TNFSF10: variants seen among roughly 807,000 people sequenced by gnomAD.
TNFSF10 encodes the protein tumor necrosis factor ligand superfamily member 10.
A neutral mutation model predicts 29.5 loss-of-function variants in TNFSF10; 13 were observed. The observed-to-expected ratio is 0.44, with a 90% CI of 0.29 to 0.70. The LOEUF (loss-of-function observed/expected upper bound fraction) is 0.70, where lower values mean the gene tolerates loss of function less well. Among genes scored for constraint, TNFSF10 ranks in the 30% least tolerant of loss-of-function variants. The pLI is 0.13. For missense variants in TNFSF10, 345 were observed against 330.9 expected, an observed-to-expected ratio of 1.04 and a Z score of -0.33; for synonymous variants, 111 against 112.8, an observed-to-expected ratio of 0.98 and a Z score of 0.10.
rs13076985 is a variant in TNFSF10 at position 172,507,948 on chromosome 3, T to C, written c.419-1029A>G. On this transcript the variant is annotated intron_variant, in intron 4 of 4. Coordinates refer to ENST00000241261, the MANE Select transcript of TNFSF10 (RefSeq NM_003810.4). ...GGTTAAGATTTGTCTCATCTTTGCATATGAAGAAACTGAAGCTTGACTAGG... is the reference window on the plus strand; with the variant it reads ...GGTTAAGATTTGTCTCATCTTTGCACATGAAGAAACTGAAGCTTGACTAGG... 8.1e-3 allele frequency among the ~76,000 whole-genome samples: 1,234 copies of C among 152,330 alleles called. 33 individuals are homozygous for C. Among genetic ancestry groups the C allele is most frequent in the Admixed American group, 0.046 (698 of 15,300 alleles).
At chr3:172,517,241 G>A (rs1308008381) in intron 1 of TNFSF10, 5 of 736,698 alleles carry the variant, frequency 6.8e-6, no homozygotes, top group Non-Finnish European at 8.3e-6. Flanking sequence ...TGACAAGGAT[G>A]GTCGTGGTGG....
At chr3:172,508,803 T>C (rs534174563) in intron 4 of TNFSF10, among the ~76,000 whole-genome samples, 2 of 151,696 alleles carry the variant, frequency 1.3e-5, no homozygotes, top group Admixed American at 1.3e-4. Flanking sequence ...GCAGGAGAAT[T>C]GCTTGAACAC....
chr3:172,506,375 T>C lies in TNFSF10; in HGVS notation c.*117A>G. The C allele has an allele frequency of 7.6e-7, 1 of 1,324,390 alleles. No individual in the cohort carries two copies. Among genetic ancestry groups the C allele is most frequent in the South Asian group, 1.6e-5 (1 of 63,682 alleles). The allele number at this position is 1,324,390 out of a possible 1,614,324, so 82.0% of individuals were successfully genotyped here. ...CTACTCAGATTGCATAGAGGTTTTT[T>C]TGTTTTCTGTTTTCTGTTTGTTTGT... On this transcript the variant is annotated 3_prime_UTR_variant, in exon 5 of 5. Transcript: ENST00000241261.
At chr3:172,513,576 G>A (rs1400875177) in intron 2 of TNFSF10, among the ~76,000 whole-genome samples, 1 of 152,192 alleles carries the variant, frequency 6.6e-6, no homozygotes, top group Non-Finnish European at 1.5e-5. Context: ...TCTCACATGT[G>A]TCAGGGCTCT....
Position 172,518,336 on chromosome 3 carries a change from GGC to G in TNFSF10, c.133-3340_133-3339del, listed in dbSNP as rs1713527754. On this transcript the variant is annotated intron_variant, in intron 1 of 4. Transcript: ENST00000241261. ...CTGTTACAAACACGGTGGTTGTCTAGGCCAGGGTCAACCAGTCCTTGATGGGG... is the reference window on the plus strand; with the variant it reads ...CTGTTACAAACACGGTGGTTGTCTAGCAGGGTCAACCAGTCCTTGATGGGG... The G allele has an allele frequency of 2.4e-6, 3 of 1,264,884 alleles. No individual in the cohort carries two copies. The African/African-American group carries it at 4.6e-5, about 19-fold the overall frequency. 78.4% of individuals were successfully genotyped at this position (1,264,884 alleles called of 1,614,324 possible). A position where few individuals can be genotyped will look rare whatever the true frequency, so the allele number is the denominator to read the frequency against.
At chr3:172,512,881 A>G (rs1014992361) in intron 2 of TNFSF10, among the ~76,000 whole-genome samples, 1 of 152,228 alleles carries the variant, frequency 6.6e-6, no homozygotes, top group Admixed American at 6.5e-5. Flanking sequence ...TGTTCAAGTT[A>G]TTTAACTGAT....
rs1478496681 is a variant in TNFSF10, at chr3:172,513,318, G to A, written c.270+1543C>T. 4.6e-5 allele frequency among the ~76,000 whole-genome samples: 7 copies of A among 152,238 alleles called. No homozygotes were observed. In the East Asian group the frequency reaches 7.7e-4, roughly 17 times the overall value. Reference sequence around the variant, plus strand: ...TCCACCCTCCCCAAGCCCCTATCCCGGGAACTTGGGAGTTTCATTTCTCAG... The same window carrying A: ...TCCACCCTCCCCAAGCCCCTATCCCAGGAACTTGGGAGTTTCATTTCTCAG... On this transcript the variant is annotated intron_variant, in intron 2 of 4. Transcript: ENST00000241261.
intron 3 of TNFSF10, among the ~76,000 whole-genome samples, chr3:172,509,976 C>CAAAAAAAAAAAAAAAAAAAAAAAA (rs11290814): frequency 9.8e-6 from 1 of 101,914 alleles, no homozygotes. Flanking sequence ...AAGACTCCGT[C>CAAAAAAAAAAAAAAAAAAAAAAAA]AAAAAAAAAA....
chr3:172,521,053 C>G (rs1195213611), intron 1 of TNFSF10, among the ~76,000 whole-genome samples: 4 of 152,130 alleles, frequency 2.6e-5, no homozygotes, highest in Admixed American at 1.3e-4. Flanking sequence ...AAAATTAACT[C>G]AAGATGGATT....
chr3:172,508,905 G>T (rs906340440), intron 4 of TNFSF10, among the ~76,000 whole-genome samples: 3 of 150,504 alleles, frequency 2.0e-5, no homozygotes, highest in Non-Finnish European at 4.4e-5. Context: ...AAAAAGGAAA[G>T]AAAGAAAGAA....
chr3:172,508,527 A>G (rs895209181), intron 4 of TNFSF10, among the ~76,000 whole-genome samples: 1 of 152,132 alleles, frequency 6.6e-6, no homozygotes, highest in African/African-American at 2.4e-5. Flanking sequence ...ATGATTTAGA[A>G]CCTTTAAAGA....
At chr3:172,517,385 AT>A in intron 1 of TNFSF10, 1 of 985,352 alleles carries the variant, frequency 1.0e-6, no homozygotes, top group Non-Finnish European at 1.2e-6. Context: ...GGTCCTGGGT[AT>A]AAGTGGATGG....
intron 1 of TNFSF10, among the ~76,000 whole-genome samples, chr3:172,515,690 A>G (rs1232413297): frequency 6.6e-6 from 1 of 152,158 alleles, no homozygotes; most frequent in African/African-American, 2.4e-5. Context: ...GAAAGTAAAC[A>G]ATGGCAATAG....
chr3:172,522,453 A>G lies in TNFSF10; in HGVS notation c.132+800T>C, dbSNP rs976013998. 3 of 1,447,796 alleles carry G rather than the reference A, an allele frequency of 2.1e-6. No individual in the cohort carries two copies. The Middle Eastern group carries it at 7.5e-4, about 364-fold the overall frequency. The allele number at this position is 1,447,796 out of a possible 1,614,324, so 89.7% of individuals were successfully genotyped here. ...AAGCAGGAAAGAAATTTTATCATTC[A>G]CCACTTAATTGGTTAGAATCTCTTA... On this transcript the variant is annotated intron_variant, in intron 1 of 4. Coordinates refer to ENST00000241261, the MANE Select transcript of TNFSF10 (RefSeq NM_003810.4).
At chr3:172,518,536 C>A in intron 1 of TNFSF10, 1 of 1,168,282 alleles carries the variant, frequency 8.6e-7, no homozygotes, top group Non-Finnish European at 1.1e-6. Flanking sequence ...TCCTCCCCAT[C>A]TATGATGTCA....
intron 1 of TNFSF10, among the ~76,000 whole-genome samples, chr3:172,515,482 G>A (rs1050766157): frequency 6.6e-6 from 1 of 152,120 alleles, no homozygotes; most frequent in Admixed American, 6.6e-5. Flanking sequence ...ATTTGGGAGG[G>A]GGTCATGTTC....
chr3:172,518,468 G>T, intron 1 of TNFSF10: 6 of 1,288,722 alleles, frequency 4.7e-6, no homozygotes. Flanking sequence ...TCTGCAAACT[G>T]CAAATAGCAT....
chr3:172,509,041 T>C, intron 4 of TNFSF10, 176 bp downstream of exon 4: 1 of 430,926 alleles, frequency 2.3e-6, no homozygotes, highest in Non-Finnish European at 4.0e-6. Flanking sequence ...TGGCAATAAT[T>C]GAGCTGTTTG....
At chr3:172,510,266 G>A (rs1008473711) in intron 3 of TNFSF10, among the ~76,000 whole-genome samples, 1 of 152,118 alleles carries the variant, frequency 6.6e-6, no homozygotes, top group Admixed American at 6.5e-5. Context: ...GATTAGCCTG[G>A]GCAACATAGT....
Sources: gnomAD v4.1 joint callset for allele counts (sites outside exome capture counted in the v4.1 genomes callset) on GRCh38, gnomAD v4.1.1 for gene constraint, MANE v1.5 for transcripts, NCBI Gene and HGNC (gene_info 2026-07-23, HGNC 2026-07-21) for gene names.